SAMHD1: variants seen among roughly 807,000 people sequenced by gnomAD.
SAMHD1 encodes the protein deoxynucleoside triphosphate triphosphohydrolase SAMHD1.
In SAMHD1, 54 loss-of-function variants were observed where a neutral mutation model predicts 79.6. That is an observed-to-expected ratio of 0.68 (90% confidence interval 0.55 to 0.85). The LOEUF is 0.85. Ranked by LOEUF, SAMHD1 falls within the 40% of genes least tolerant of loss-of-function variation. The probability of loss-of-function intolerance (pLI) is 0.00; values close to 1 mark genes in which losing one functional copy is unlikely to be tolerated. For missense variants in SAMHD1, 663 were observed against 782.7 expected, an observed-to-expected ratio of 0.85 and a Z score of 1.82; for synonymous variants, 260 against 264.1, an observed-to-expected ratio of 0.98 and a Z score of 0.15.
chr20:36,932,140 G>A (rs989844426), intron 4 of SAMHD1, among the ~76,000 whole-genome samples: 6 of 151,988 alleles, frequency 3.9e-5, no homozygotes, highest in East Asian at 1.9e-4. Context: ...TTAGCTGGGC[G>A]TGGTGGCAGG....
chr20:36,941,015 C>T (rs1232443784), intron 3 of SAMHD1, 24 bp downstream of exon 3: 2 of 1,571,964 alleles, frequency 1.3e-6, no homozygotes, highest in Non-Finnish European at 1.8e-6. Context: ...ATTCAAAAAA[C>T]ATAACAAACT....
rs1331067278 is a variant in SAMHD1, at chr20:36,919,463, C to T, written c.753G>A (p.Lys251=). Reference sequence around the variant, plus strand: ...TGAGACCATATTGTTCCATGACAGGCTTAATTCCATTAGAATTAATAAGGT... The same window carrying T: ...TGAGACCATATTGTTCCATGACAGGTTTAATTCCATTAGAATTAATAAGGT... The part of the protein sequence containing the change: ...FEHLINSNGI[K]PVMEQYGLIP... Residue 251 remains lysine (K), a synonymous_variant, in exon 7 of 16, where the codon AAG becomes AAA. Coordinates refer to ENST00000646673, the MANE Select transcript of SAMHD1 (RefSeq NM_015474.4). 2.5e-6 allele frequency: 4 copies of T among 1,612,746 alleles called. No individual in the cohort carries two copies. The highest frequency in any genetic ancestry group is 2.2e-5 in the East Asian group (1 of 44,784).
intron 6 of SAMHD1, 76 bp downstream of exon 6, chr20:36,927,106 C>G: frequency 7.5e-7 from 1 of 1,327,218 alleles, no homozygotes; most frequent in South Asian, 1.2e-5. Context: ...GTAGTGGAAC[C>G]AAACAGATAA....
At chr20:36,901,911 G>T (rs1312536726) in intron 13 of SAMHD1, among the ~76,000 whole-genome samples, 1 of 152,170 alleles carries the variant, frequency 6.6e-6, no homozygotes, top group Non-Finnish European at 1.5e-5. Context: ...CACTTCTCTA[G>T]AACACAAGTA....
At chr20:36,940,924 T>G in intron 3 of SAMHD1, 115 bp downstream of exon 3, 1 of 775,768 alleles carries the variant, frequency 1.3e-6, no homozygotes, top group Non-Finnish European at 2.2e-6. Flanking sequence ...GATCCACTAC[T>G]CACAATTCTA....
At chr20:36,907,101 T>G (rs993021320) in intron 11 of SAMHD1, among the ~76,000 whole-genome samples, 2 of 151,734 alleles carry the variant, frequency 1.3e-5, no homozygotes, top group Admixed American at 6.6e-5. Context: ...CTTTTTTTTT[T>G]TTTTTAAGGA....
At chr20:36,905,746 G>A (rs868473479) in intron 11 of SAMHD1, among the ~76,000 whole-genome samples, 28 of 152,118 alleles carry the variant, frequency 1.8e-4, no homozygotes, top group African/African-American at 1.2e-4. Context: ...CGAGGCGGGC[G>A]GATCACTTGA....
chr20:36,917,581 G>A (rs1378671553), intron 7 of SAMHD1, among the ~76,000 whole-genome samples: 2 of 152,104 alleles, frequency 1.3e-5, no homozygotes, highest in African/African-American at 2.4e-5. Context: ...AACTCAGGAG[G>A]CGGAGGTTGC....
rs779493555 is a variant in SAMHD1 at position 36,951,533 on chromosome 20, T to G, written c.111A>C (p.Glu37Asp). The G allele has an allele frequency of 4.3e-6, 7 of 1,613,934 alleles. No homozygotes were observed. The South Asian group carries it at 7.7e-5, about 18-fold the overall frequency. ...CCCATGTCTTGTAGTCGGGATGGAG[T>G]TCCAGGCCCGGGGACCAGTCTGCCT... ...SAEADWSPGL[E>D]LHPDYKTWGP... The change falls in exon 1 of 16, where the codon GAA (glutamate) becomes GAC (aspartate). Residue 37 changes from glutamate to aspartate, a missense_variant. Transcript: ENST00000646673.
intron 13 of SAMHD1, among the ~76,000 whole-genome samples, chr20:36,902,985 C>T (rs1033514062): frequency 1.3e-5 from 2 of 151,988 alleles, no homozygotes; most frequent in African/African-American, 2.4e-5. Context: ...GTGATTCACT[C>T]GCCTTGGCCT....
Position 36,919,422 on chromosome 20 carries a change from A to G in SAMHD1, c.794T>C (p.Ile265Thr), listed in dbSNP as rs2063492818. The part of the protein sequence containing the change: ...EQYGLIPEED[I>T]CFIKEQIVGP... ...TACAATTTGTTCCTTTATAAAGCAA[A>G]TATCTTCTTCAGGGATGAGACCATA... Residue 265 changes from isoleucine to threonine, a missense_variant, in exon 7 of 16, where the codon ATT becomes ACT. Ile to Thr is a moderately conservative substitution (Grantham distance 89). Coordinates refer to ENST00000646673, the MANE Select transcript of SAMHD1 (RefSeq NM_015474.4). 6.2e-7 allele frequency: 1 copy of G among 1,613,662 alleles called. No individual in the cohort carries two copies. The highest frequency in any genetic ancestry group is 8.5e-7 in the Non-Finnish European group (1 of 1,179,708).
At chr20:36,894,735 C>G (rs1990166764) in intron 15 of SAMHD1, among the ~76,000 whole-genome samples, 1 of 151,888 alleles carries the variant, frequency 6.6e-6, no homozygotes, top group African/African-American at 2.4e-5. Flanking sequence ...CCACTGCACT[C>G]CAGCCTGGGC....
At chr20:36,933,125 A>T (rs1024007284) in intron 4 of SAMHD1, among the ~76,000 whole-genome samples, 1 of 152,200 alleles carries the variant, frequency 6.6e-6, no homozygotes, top group Non-Finnish European at 1.5e-5. Flanking sequence ...TTGTTGATGA[A>T]TGAACATTTG....
downstream of SAMHD1, chr20:36,889,927 G>A (rs1372274155): frequency 6.6e-6 from 1 of 152,190 alleles, no homozygotes; most frequent in Non-Finnish European, 1.5e-5. Flanking sequence ...GTGTGTGTGT[G>A]TGTATACTTA....
In SAMHD1 at chr20:36,911,322, G is replaced by A. The variant is rs376972390; in HGVS notation, c.1166C>T (p.Ala389Val). Reference protein sequence around the residue: ...GNIIDTMITDAFLKADDYIEI... With the variant: ...GNIIDTMITDVFLKADDYIEI... ...TATGTAGTCATCTGCTTTGAGGAAA[G>A]CATCTGTAATCCTAAAAATCATTTT... The change falls in exon 11 of 16, where the codon GCT becomes GTT. Residue 389 changes from alanine (A) to valine (V), a missense_variant. Transcript: ENST00000646673. 4.4e-6 allele frequency: 7 copies of A among 1,607,518 alleles called. No homozygotes were observed. The highest frequency in any genetic ancestry group is 1.3e-5 in the African/African-American group (1 of 74,806).
chr20:36,916,685 C>A, intron 9 of SAMHD1, 37 bp downstream of exon 9: 3 of 1,417,530 alleles, frequency 2.1e-6, no homozygotes, highest in African/African-American at 1.4e-5. Context: ...AGACCAGGAA[C>A]AACATTCTTC....
chr20:36,932,411 G>GGGGGGTTGCA (rs1184288057), intron 4 of SAMHD1, among the ~76,000 whole-genome samples: 1 of 137,968 alleles, frequency 7.2e-6, no homozygotes, highest in African/African-American at 2.7e-5. Flanking sequence ...GGGGGGTTGC[G>GGGGGGTTGCA]GGGGGAGACA....
chr20:36,947,093 T>A, intron 1 of SAMHD1: 1 of 325,298 alleles, frequency 3.1e-6, no homozygotes, highest in South Asian at 3.0e-5. Flanking sequence ...CCCGACTACC[T>A]GTTGGGGTTT....
At chr20:36,937,088 C>A (rs1046877175) in intron 3 of SAMHD1, among the ~76,000 whole-genome samples, 4 of 149,850 alleles carry the variant, frequency 2.7e-5, no homozygotes, top group African/African-American at 9.9e-5. Context: ...TTGCAGTGAG[C>A]TGAGATTGTG....
Sources: allele counts gnomAD v4.1 joint callset (sites outside exome capture counted in the v4.1 genomes callset), GRCh38; gene constraint gnomAD v4.1.1; transcripts MANE v1.5; gene names NCBI Gene and HGNC (gene_info 2026-07-23, HGNC 2026-07-21).